The following MYT1L variants were observed in gnomAD, a reference collection of about 807,000 sequenced individuals.
MYT1L encodes myelin transcription factor 1-like protein.
A neutral mutation model predicts 126.7 loss-of-function variants in MYT1L; 12 were observed. The observed-to-expected ratio is 0.09, with a 90% CI of 0.06 to 0.15. The LOEUF (loss-of-function observed/expected upper bound fraction) is 0.15. MYT1L is among the 10% of genes least tolerant of loss of function. The probability of loss-of-function intolerance (pLI) is 1.00; values close to 1 mark genes in which losing one functional copy is unlikely to be tolerated. For synonymous variants in MYT1L, 541 were observed against 604.2 expected (o/e 0.90, Z 1.53); for missense variants, 979 against 1,585.2 (o/e 0.62, Z 6.49).
intron 4 of MYT1L, among the ~76,000 whole-genome samples, chr2:2,009,813 C>G (rs370468200): frequency 7.2e-5 from 11 of 151,938 alleles, no homozygotes; most frequent in Middle Eastern, 3.2e-3. Context: ...TTCAGTTGCT[C>G]CCTGTTAATT....
intron 5 of MYT1L, among the ~76,000 whole-genome samples, chr2:1,994,786 G>A (rs1278253971): frequency 6.6e-6 from 1 of 152,032 alleles, no homozygotes; most frequent in Non-Finnish European, 1.5e-5. Context: ...ATTCAAATAT[G>A]TTTTGCCATA....
chr2:2,112,935 T>C (rs901309248), intron 3 of MYT1L, among the ~76,000 whole-genome samples: 10 of 152,216 alleles, frequency 6.6e-5, no homozygotes, highest in Admixed American at 5.9e-4. Flanking sequence ...TCTGCAGAGC[T>C]GGCTTCATAA....
chr2:1,936,057 G>A (rs946125749), intron 9 of MYT1L, among the ~76,000 whole-genome samples: 2 of 152,170 alleles, frequency 1.3e-5, no homozygotes, highest in Non-Finnish European at 2.9e-5. Context: ...CAAGTAGCTG[G>A]GATTGCAGGC....
intron 2 of MYT1L, among the ~76,000 whole-genome samples, chr2:2,277,735 T>C (rs958309546): frequency 2.0e-5 from 3 of 152,132 alleles, no homozygotes; most frequent in Non-Finnish European, 4.4e-5. Flanking sequence ...CAAATGGTCA[T>C]ATAACAATTG....
intron 2 of MYT1L, among the ~76,000 whole-genome samples, chr2:2,213,697 G>GA (rs776034940): frequency 1.3e-5 from 2 of 152,190 alleles, no homozygotes; most frequent in African/African-American, 2.4e-5. Context: ...TAAAAAGCTA[G>GA]ACCATATCAT....
chr2:2,320,714 A>T (rs2096148869), intron 1 of MYT1L, among the ~76,000 whole-genome samples: 1 of 152,066 alleles, frequency 6.6e-6, no homozygotes. Flanking sequence ...TGAATAATAC[A>T]CCTAGTTTCT....
chr2:2,217,972 C>T (rs1248458316), intron 2 of MYT1L, among the ~76,000 whole-genome samples: 1 of 152,132 alleles, frequency 6.6e-6, no homozygotes, highest in Non-Finnish European at 1.5e-5. Context: ...TGAAAAGATG[C>T]TTAGCATCAG....
chr2:2,132,840 C>T (rs1326657854), intron 3 of MYT1L, among the ~76,000 whole-genome samples: 1 of 152,044 alleles, frequency 6.6e-6, no homozygotes, highest in African/African-American at 2.4e-5. Context: ...TAAGTCCTTT[C>T]AAGGCATCTA....
chr2:1,942,920 A>G, intron 9 of MYT1L, 62 bp downstream of exon 9: 1 of 1,462,076 alleles, frequency 6.8e-7, no homozygotes, highest in Non-Finnish European at 9.0e-7. Context: ...ACAGCCGGCA[A>G]TTCACCTTGA....
chr2:1,794,943 C>A (rs1172988631), intron 23 of MYT1L, among the ~76,000 whole-genome samples: 1 of 152,214 alleles, frequency 6.6e-6, no homozygotes, highest in Admixed American at 6.5e-5. Context: ...CGTCCAGGGT[C>A]AGAGAGAATG....
intron 10 of MYT1L, among the ~76,000 whole-genome samples, chr2:1,920,003 T>C (rs758730967): frequency 2.0e-5 from 3 of 152,236 alleles, no homozygotes; most frequent in Non-Finnish European, 4.4e-5. Context: ...CTCCACTTTG[T>C]TGGCCTTGCT....
chr2:2,295,117 T>C (rs914048427), intron 1 of MYT1L, among the ~76,000 whole-genome samples: 3 of 152,118 alleles, frequency 2.0e-5, no homozygotes, highest in Admixed American at 6.5e-5. Context: ...CAGTCTGTGA[T>C]ACTAAAGCGT....
At chr2:1,970,613 G>A (rs993386985) in intron 8 of MYT1L, among the ~76,000 whole-genome samples, 1 of 152,208 alleles carries the variant, frequency 6.6e-6, no homozygotes. Context: ...GGGCTCTGTG[G>A]TTGTGCTTTG....
intron 1 of MYT1L, among the ~76,000 whole-genome samples, chr2:2,297,632 C>T (rs1402361268): frequency 6.6e-6 from 1 of 152,200 alleles, no homozygotes; most frequent in East Asian, 1.9e-4. Context: ...CCAACAGTTG[C>T]ATGTGCCACT....
At chr2:1,927,013 T>G (rs2054316558) in intron 9 of MYT1L, among the ~76,000 whole-genome samples, 1 of 152,180 alleles carries the variant, frequency 6.6e-6, no homozygotes, top group Non-Finnish European at 1.5e-5. Context: ...TCAGCTCCCT[T>G]TTTTTGGTTT....
At chr2:1,826,380 G>A (rs913278341) in intron 21 of MYT1L, among the ~76,000 whole-genome samples, 1 of 152,146 alleles carries the variant, frequency 6.6e-6, no homozygotes, top group African/African-American at 2.4e-5. Context: ...GGGGGCGGGC[G>A]AATGTGGGAG....
chr2:2,267,919 A>T (rs2095173076), intron 2 of MYT1L, among the ~76,000 whole-genome samples: 1 of 152,082 alleles, frequency 6.6e-6, no homozygotes, highest in South Asian at 2.1e-4. Context: ...AAGCTCCCAC[A>T]CCACTCAAGT....
chr2:1,819,651 TACAGGG>T, intron 21 of MYT1L, among the ~76,000 whole-genome samples: 1 of 152,316 alleles, frequency 6.6e-6, no homozygotes, highest in Non-Finnish European at 1.5e-5. Context: ...ACACATGCCC[TACAGGG>T]ATGCACATGG....
At chr2:2,027,818 GGCGT>G (rs2065808806) in intron 4 of MYT1L, among the ~76,000 whole-genome samples, 1 of 69,770 alleles carries the variant, frequency 1.4e-5, no homozygotes, top group South Asian at 4.7e-4. Context: ...GGCTTGATGT[GGCGT>G]GGCCCAATTT....
Sources: gnomAD v4.1 joint callset for allele counts (sites outside exome capture counted in the v4.1 genomes callset) on GRCh38, gnomAD v4.1.1 for gene constraint, MANE v1.5 for transcripts, NCBI Gene and HGNC (gene_info 2026-07-23, HGNC 2026-07-21) for gene names.